The following TRPM3 variants were observed in gnomAD, a reference collection of about 807,000 sequenced individuals.
TRPM3 encodes long transient receptor potential channel 3.
A neutral mutation model predicts 181.2 loss-of-function variants in TRPM3; 77 were observed. The observed-to-expected ratio is 0.42, with a 90% CI of 0.35 to 0.51. The LOEUF is 0.51. TRPM3 is among the 20% of genes least tolerant of loss of function. The pLI is 0.01. For missense variants in TRPM3, 1,759 were observed against 2,196.7 expected (o/e 0.80, Z 3.98); for synonymous variants, 745 against 796.4 (o/e 0.94, Z 1.09).
At chr9:71,417,982 T>C (rs1267645722) in intron 1 of TRPM3, among the ~76,000 whole-genome samples, 5 of 152,092 alleles carry the variant, frequency 3.3e-5, no homozygotes, top group Admixed American at 2.6e-4. Flanking sequence ...AACCTTTCTT[T>C]GGTGAGAAGG....
intron 22 of TRPM3, among the ~76,000 whole-genome samples, chr9:70,578,827 C>T (rs1356225978): frequency 6.6e-6 from 1 of 152,210 alleles, no homozygotes; most frequent in Non-Finnish European, 1.5e-5. Flanking sequence ...AGCACATTGA[C>T]ATTTTGGGTG....
At chr9:70,917,506 C>T (rs2096610292) in intron 1 of TRPM3, 1 of 723,904 alleles carries the variant, frequency 1.4e-6, no homozygotes, top group Admixed American at 2.0e-5. Flanking sequence ...AGGGAGCCAC[C>T]ACGATAACTG....
intron 8 of TRPM3, among the ~76,000 whole-genome samples, chr9:70,757,536 A>C (rs553198636): frequency 1.3e-5 from 2 of 152,324 alleles, no homozygotes; most frequent in South Asian, 2.1e-4. Flanking sequence ...AACAACAAAA[A>C]AGGAAAATTT....
At chr9:70,828,115 T>A in intron 5 of TRPM3, 97 bp from the exon 6 acceptor site, 3 of 1,233,472 alleles carry the variant, frequency 2.4e-6, no homozygotes, top group Non-Finnish European at 3.4e-6. Context: ...AGAAAGAACA[T>A]CAGTTCTGTG....
In TRPM3 at chr9:70,773,902, C is replaced by T. The variant is rs1471046001; in HGVS notation, c.1148+10203G>A. The stretch of plus-strand genomic sequence containing the variant: ...ATTCGATGCACTACGTGATGATTGC[C>T]TGGTAGTCTTATAGCTACAGGGGTA... On this transcript the variant is annotated intron_variant, in intron 7 of 25. Transcript: ENST00000677713. 2.0e-5 allele frequency among the ~76,000 whole-genome samples: 3 copies of T among 152,110 alleles called. No homozygotes were observed. The East Asian group carries it at 5.8e-4, about 29-fold the overall frequency.
At chr9:71,222,636 A>G (rs771932419) in intron 1 of TRPM3, among the ~76,000 whole-genome samples, 2 of 152,210 alleles carry the variant, frequency 1.3e-5, no homozygotes, top group African/African-American at 2.4e-5. Flanking sequence ...TTTTAACTTC[A>G]TATCACTGAA....
intron 1 of TRPM3, among the ~76,000 whole-genome samples, chr9:71,441,543 A>G (rs1309725750): frequency 6.6e-6 from 1 of 152,158 alleles, no homozygotes. Flanking sequence ...TACGATAGCC[A>G]CAAAGGACCT....
intron 1 of TRPM3, among the ~76,000 whole-genome samples, chr9:71,328,609 C>T: frequency 6.6e-6 from 1 of 152,100 alleles, no homozygotes; most frequent in East Asian, 1.9e-4. Flanking sequence ...ATTTCGATTC[C>T]CAGATCTGTC....
chr9:71,231,955 T>C (rs1167500198), intron 1 of TRPM3, among the ~76,000 whole-genome samples: 1 of 152,172 alleles, frequency 6.6e-6, no homozygotes. Context: ...AATAAAAGAT[T>C]TAAAAATCAG....
chr9:70,671,502 A>G (rs1367857252), intron 9 of TRPM3, among the ~76,000 whole-genome samples: 1 of 151,644 alleles, frequency 6.6e-6, no homozygotes, highest in African/African-American at 2.4e-5. Flanking sequence ...TGAAGTACAA[A>G]ACCATTAAAA....
intron 1 of TRPM3, among the ~76,000 whole-genome samples, chr9:71,237,975 C>T (rs1192744106): frequency 6.6e-6 from 1 of 152,188 alleles, no homozygotes; most frequent in Non-Finnish European, 1.5e-5. Context: ...AATACTATTG[C>T]ATTGGCAACA....
intron 1 of TRPM3, among the ~76,000 whole-genome samples, chr9:71,164,948 T>C (rs769979655): frequency 6.6e-6 from 1 of 152,228 alleles, no homozygotes; most frequent in Non-Finnish European, 1.5e-5. Flanking sequence ...TAAAGTTTCA[T>C]GCATGGAAAA....
intron 8 of TRPM3, among the ~76,000 whole-genome samples, chr9:70,701,340 C>T (rs2072486657): frequency 6.6e-6 from 1 of 152,134 alleles, no homozygotes. Flanking sequence ...GTTCACGTGT[C>T]TGCTATTTAT....
intron 1 of TRPM3, among the ~76,000 whole-genome samples, chr9:71,185,668 T>A (rs553916042): frequency 9.9e-5 from 15 of 152,178 alleles, no homozygotes; most frequent in Admixed American, 9.2e-4. Flanking sequence ...CTGTGCTATG[T>A]GTTTTATGTG....
chr9:71,159,022 C>T (rs1445523392), intron 1 of TRPM3, among the ~76,000 whole-genome samples: 1 of 151,672 alleles, frequency 6.6e-6, no homozygotes, highest in Admixed American at 6.6e-5. Context: ...CACTGGCTTT[C>T]TTGGGTCTCC....
chr9:71,078,033 A>G (rs745605188), intron 1 of TRPM3, among the ~76,000 whole-genome samples: 1 of 151,702 alleles, frequency 6.6e-6, no homozygotes, highest in Non-Finnish European at 1.5e-5. Context: ...CTTTTGAGCT[A>G]GCAACTCCGT....
intron 1 of TRPM3, among the ~76,000 whole-genome samples, chr9:71,134,024 C>T (rs1013726997): frequency 1.4e-4 from 20 of 146,972 alleles, no homozygotes; most frequent in South Asian, 1.1e-3. Context: ...TGCGCGTGCG[C>T]GCGCGCGCGT....
At chr9:70,828,807 G>T (rs772964457) in intron 5 of TRPM3, among the ~76,000 whole-genome samples, 4 of 150,098 alleles carry the variant, frequency 2.7e-5, no homozygotes, top group Non-Finnish European at 5.9e-5. Context: ...AGATGCTATT[G>T]TGTTCATTTT....
intron 1 of TRPM3, among the ~76,000 whole-genome samples, chr9:71,409,093 G>C (rs1304338646): frequency 6.6e-6 from 1 of 152,062 alleles, no homozygotes; most frequent in Non-Finnish European, 1.5e-5. Context: ...TGCCCTATAA[G>C]AGCTCTTGAA....
Sources: allele counts gnomAD v4.1 joint callset (sites outside exome capture counted in the v4.1 genomes callset), GRCh38; gene constraint gnomAD v4.1.1; transcripts MANE v1.5; gene names NCBI Gene and HGNC (gene_info 2026-07-23, HGNC 2026-07-21).